The following PARP15 variants were observed in gnomAD, a reference collection of about 807,000 sequenced individuals.
The protein encoded by PARP15 is poly(ADP-ribose) polymerase family member 15, also known as protein mono-ADP-ribosyltransferase PARP15.
A neutral mutation model predicts 62.1 loss-of-function variants in PARP15; 50 were observed. The observed-to-expected ratio is 0.81, with a 90% confidence interval of 0.64 to 1.02. The LOEUF is 1.02. Among genes scored for constraint, PARP15 ranks in the 50% least tolerant of loss-of-function variants. PARP15 has a pLI of 0.00. For synonymous variants in PARP15, 309 were observed against 293.1 expected, an observed-to-expected ratio of 1.05 and a Z score of -0.55; for missense variants, 820 against 826.5, an observed-to-expected ratio of 0.99 and a Z score of 0.10.
chr3:122,620,119 T>A (rs1031880487), intron 7 of PARP15, among the ~76,000 whole-genome samples: 1 of 152,192 alleles, frequency 6.6e-6, no homozygotes, highest in African/African-American at 2.4e-5. Context: ...TACTGAGCGA[T>A]CCTAGGCACG....
intron 1 of PARP15, among the ~76,000 whole-genome samples, chr3:122,592,305 T>C (rs1445604983): frequency 2.0e-5 from 3 of 152,184 alleles, no homozygotes; most frequent in Admixed American, 6.5e-5. Context: ...TGGATGGAGC[T>C]GGAAGCCATT....
chr3:122,597,109 T>C (rs1357270462), intron 1 of PARP15, among the ~76,000 whole-genome samples: 1 of 152,226 alleles, frequency 6.6e-6, no homozygotes, highest in Non-Finnish European at 1.5e-5. Flanking sequence ...ATTTAGTGTC[T>C]GATGAGGGCT....
In PARP15 at chr3:122,635,965, C is replaced by T. The variant is rs1404436599; in HGVS notation, c.1902C>T (p.Thr634=). ...CAAAGGGACGTGCAGGATTAGTCAC[C>T]CCTCCACCCAAGAATCCTCACAATC... ...VFTKGRAGLV[T]PPPKNPHNPT... is the part of the protein sequence containing the mutation. Residue 634 remains threonine, a synonymous_variant, in exon 12 of 12, where the codon ACC becomes ACT. Coordinates refer to ENST00000464300, the MANE Select transcript of PARP15 (RefSeq NM_001113523.3). The T allele has an allele frequency of 1.2e-6, 2 of 1,613,966 alleles. No homozygotes were observed. The highest frequency in any genetic ancestry group is 1.7e-6 in the Non-Finnish European group (2 of 1,180,024).
intron 1 of PARP15, among the ~76,000 whole-genome samples, chr3:122,599,367 A>T (rs13089607): frequency 0.082 from 12,316 of 150,836 alleles, 520 homozygotes; most frequent in Non-Finnish European, 0.1. Context: ...AGCGAGACAT[A>T]GTCTCAAAAA....
intron 7 of PARP15, 114 bp from the exon 8 acceptor site, chr3:122,621,330 G>A: frequency 8.8e-7 from 1 of 1,137,976 alleles, no homozygotes; most frequent in South Asian, 1.7e-5. Flanking sequence ...AAGCTCGAGT[G>A]AGACTGGGCT....
At chr3:122,621,242 CAACAG>C in intron 7 of PARP15, 197 bp from the exon 8 acceptor site, 1 of 553,064 alleles carries the variant, frequency 1.8e-6, no homozygotes, top group East Asian at 3.1e-5. Flanking sequence ...CCCAAATACT[CAACAG>C]TGTATTTGTT....
intron 1 of PARP15, among the ~76,000 whole-genome samples, chr3:122,596,142 A>G (rs1413926070): frequency 6.6e-6 from 1 of 151,956 alleles, no homozygotes; most frequent in African/African-American, 2.4e-5. Context: ...GTGGATCACA[A>G]GATCAGGAGA....
chr3:122,615,710 A>G (rs749790257), intron 4 of PARP15, 69 bp from the exon 5 acceptor site: 29 of 1,605,634 alleles, frequency 1.8e-5, no homozygotes, highest in Admixed American at 5.1e-5. Flanking sequence ...CTGATGATCA[A>G]TGCTCCAAAG....
At chr3:122,582,574 A>G (rs1232387378) in intron 1 of PARP15, among the ~76,000 whole-genome samples, 1 of 152,026 alleles carries the variant, frequency 6.6e-6, no homozygotes, top group Admixed American at 6.6e-5. Context: ...TCTTATCTTT[A>G]CCCTTCTGTG....
chr3:122,596,472 G>A (rs993323631), intron 1 of PARP15, among the ~76,000 whole-genome samples: 6 of 151,362 alleles, frequency 4.0e-5, no homozygotes, highest in South Asian at 4.2e-4. Context: ...CCATGTCAGC[G>A]GATAGCAACT....
At chr3:122,599,497 C>A (rs1441312097) in intron 1 of PARP15, among the ~76,000 whole-genome samples, 1 of 151,292 alleles carries the variant, frequency 6.6e-6, no homozygotes, top group African/African-American at 2.4e-5. Flanking sequence ...TTTTTCTTGC[C>A]TTTCTTCCTC....
chr3:122,594,945 G>C (rs1934219324), intron 1 of PARP15: 2 of 876,854 alleles, frequency 2.3e-6, no homozygotes, highest in Non-Finnish European at 2.7e-6. Context: ...GTATTTCCCA[G>C]AGGAGGGTTC....
chr3:122,602,771 C>T (rs80117026), intron 1 of PARP15, among the ~76,000 whole-genome samples: 2,422 of 152,198 alleles, frequency 0.016, 68 homozygotes, highest in African/African-American at 0.053. Context: ...AATATTACAA[C>T]GAATGTCAGT....
chr3:122,622,126 G>C (rs999872557), intron 8 of PARP15, among the ~76,000 whole-genome samples: 1 of 152,158 alleles, frequency 6.6e-6, no homozygotes, highest in Non-Finnish European at 1.5e-5. Context: ...TGTTCCCTAA[G>C]TATCTTTCCA....
chr3:122,629,496 A>G (rs1936932319), intron 9 of PARP15, among the ~76,000 whole-genome samples: 1 of 152,160 alleles, frequency 6.6e-6, no homozygotes, highest in African/African-American at 2.4e-5. Flanking sequence ...CAGGAATTTG[A>G]AAGTAGAGCT....
rs1559959998 is a variant in PARP15, at chr3:122,610,628, AGT to A, written c.442_443del (p.Val148ArgfsTer2). On this transcript the variant is annotated frameshift_variant, in exon 3 of 12. Coordinates refer to ENST00000464300, the MANE Select transcript of PARP15 (RefSeq NM_001113523.3). LOFTEE classifies it high-confidence loss of function. ...DDRRRETEEK[V>X]GNIFMTSGCN... ...ACAGAAGGCGGGAAACAGAGGAAAAAGTAGGTAACATATTCATGACAAGCGGC... is the reference window on the plus strand; with the variant it reads ...ACAGAAGGCGGGAAACAGAGGAAAAAAGGTAACATATTCATGACAAGCGGC... 1.4e-5 allele frequency: 22 copies of A among 1,551,632 alleles called. No homozygotes were observed. The Middle Eastern group carries it at 8.3e-4, about 59-fold the overall frequency.
rs896764432 is a variant in PARP15, at chr3:122,610,743, C to T, written c.543+13C>T. Reference sequence around the variant, plus strand: ...GACTTCTTGGCAGGTAGGGAACGCTCTTAGTTCTCCAACGTATTGGGTGGC... The same window carrying T: ...GACTTCTTGGCAGGTAGGGAACGCTTTTAGTTCTCCAACGTATTGGGTGGC... On this transcript the variant is annotated intron_variant, in intron 3 of 11. Coordinates refer to ENST00000464300, the MANE Select transcript of PARP15 (RefSeq NM_001113523.3). 2 of 1,491,692 alleles carry T rather than the reference C, an allele frequency of 1.3e-6. No individual in the cohort carries two copies. Among genetic ancestry groups the T allele is most frequent in the Non-Finnish European group, 1.8e-6 (2 of 1,119,006 alleles). The allele number at this position is 1,491,692 out of a possible 1,614,324, so 92.4% of individuals were successfully genotyped here.
At chr3:122,607,414 G>A (rs1935228449) in intron 2 of PARP15, among the ~76,000 whole-genome samples, 1 of 152,146 alleles carries the variant, frequency 6.6e-6, no homozygotes, top group Non-Finnish European at 1.5e-5. Flanking sequence ...TCCATCTTAT[G>A]TCTCAGAGTT....
chr3:122,605,945 A>G lies in PARP15; in HGVS notation c.196A>G (p.Asn66Asp). ...ACTGTTTTCTCCACAGTCCAGAGAC[A>G]ACAAGTTCAGCAAGAAAGATTGTCT... Reference protein sequence around the residue: ...RSSSRSMSRDNKFSKKDCLSI... With the variant: ...RSSSRSMSRDDKFSKKDCLSI... The change falls in exon 2 of 12, where the codon AAC becomes GAC. Residue 66 changes from asparagine to aspartate, a missense_variant. Around this residue, in one of 3 missense-constraint regions of PARP15, gnomAD observed 731 missense variants for 727.7 expected, o/e 1.00. Transcript: ENST00000464300. 6.4e-7 allele frequency: 1 copy of G among 1,551,534 alleles called. No homozygotes were observed. The highest frequency in any genetic ancestry group is 8.7e-7 in the Non-Finnish European group (1 of 1,146,842).
Sources: gnomAD v4.1 joint callset for allele counts (sites outside exome capture counted in the v4.1 genomes callset) on GRCh38, gnomAD v4.1.1 for gene constraint, gnomAD v4.1.1 regional missense constraint, MANE v1.5 for transcripts, NCBI Gene and HGNC (gene_info 2026-07-23, HGNC 2026-07-21) for gene names.